Variants in SLC38A6 observed in about 807,000 individuals in gnomAD.
SLC38A6 encodes the protein N system amino acid transporter NAT-1.
In SLC38A6, 73 loss-of-function variants were observed where a neutral mutation model predicts 65.0. That is an observed-to-expected ratio of 1.12 (90% confidence interval 0.93 to 1.37). The LOEUF (loss-of-function observed/expected upper bound fraction) is 1.37, where lower values mean the gene tolerates loss of function less well. Among genes scored for constraint, SLC38A6 ranks in the 40% most tolerant of loss-of-function variants. SLC38A6 has a pLI of 0.00. For synonymous variants in SLC38A6, 183 were observed against 178.8 expected (o/e 1.02, Z -0.19); for missense variants, 561 against 531.1 (o/e 1.06, Z -0.55).
intron 15 of SLC38A6, among the ~76,000 whole-genome samples, chr14:61,062,797 C>CATG (rs1427266311): frequency 7.2e-5 from 11 of 152,350 alleles, no homozygotes; most frequent in Admixed American, 5.9e-4. Flanking sequence ...TCTAGTGCCT[C>CATG]AGCCTCCTGC....
Position 60,983,156 on chromosome 14 carries a change from T to C in SLC38A6, c.236+518T>C, listed in dbSNP as rs972572640. Among the ~76,000 whole-genome samples, 7 of 152,340 alleles carry C rather than the reference T, an allele frequency of 4.6e-5. No individual in the cohort carries two copies. The East Asian group carries it at 1.3e-3, about 29-fold the overall frequency. ...AGACAATCCTGGATATTCTGTGCTT[T>C]CATAGTACTTTGTATATTCATTCTG... On this transcript the variant is annotated intron_variant, in intron 2 of 15. Transcript: ENST00000267488.
intron 5 of SLC38A6, among the ~76,000 whole-genome samples, chr14:61,021,192 T>C (rs1211102167): frequency 6.6e-6 from 1 of 152,160 alleles, no homozygotes; most frequent in Non-Finnish European, 1.5e-5. Context: ...ACCTGGGAAT[T>C]GATAAACTTG....
chr14:61,061,085 C>A (rs1055694406), intron 15 of SLC38A6, among the ~76,000 whole-genome samples: 2 of 152,090 alleles, frequency 1.3e-5, no homozygotes, highest in African/African-American at 4.8e-5. Flanking sequence ...CCGTCTTCTG[C>A]GTCGCTCACG....
At chr14:60,981,551 C>T in intron 1 of SLC38A6, 169 bp downstream of exon 1, 1 of 1,529,422 alleles carries the variant, frequency 6.5e-7, no homozygotes, top group East Asian at 2.5e-5. Flanking sequence ...ATGAGATTGG[C>T]GCAGTTATGA....
chr14:61,043,883 G>C (rs1347854610), intron 10 of SLC38A6, among the ~76,000 whole-genome samples: 1 of 152,036 alleles, frequency 6.6e-6, no homozygotes, highest in Non-Finnish European at 1.5e-5. Flanking sequence ...CTCTTCCCCT[G>C]TGAGTAGAAC....
intron 15 of SLC38A6, among the ~76,000 whole-genome samples, chr14:61,073,499 C>T (rs2139973200): frequency 6.6e-6 from 1 of 152,238 alleles, no homozygotes; most frequent in Admixed American, 6.5e-5. Context: ...ATTTTTCTTC[C>T]AGGATCCTGT....
chr14:60,982,751 T>A, intron 2 of SLC38A6, 113 bp downstream of exon 2: 1 of 1,247,612 alleles, frequency 8.0e-7, no homozygotes, highest in South Asian at 1.6e-5. Context: ...TAGTTATTTC[T>A]GGGGTTTTAG....
chr14:61,002,116 C>G (rs897864741), intron 3 of SLC38A6: 3 of 152,100 alleles, frequency 2.0e-5, no homozygotes, highest in Non-Finnish European at 2.9e-5. Flanking sequence ...ATACTGAGAT[C>G]CCAGAATCAT....
At chr14:60,987,074 C>G (rs921611846) in intron 3 of SLC38A6, 1 of 417,754 alleles carries the variant, frequency 2.4e-6, no homozygotes, top group East Asian at 8.8e-5. Flanking sequence ...CATGAACTAA[C>G]TACTTCATGG....
In SLC38A6 at chr14:61,019,594, A is replaced by G. The variant is rs754616757; in HGVS notation, c.403+14A>G. 2.0e-5 allele frequency: 32 copies of G among 1,611,704 alleles called. No individual in the cohort carries two copies. The East Asian group carries it at 6.7e-4, about 34-fold the overall frequency. ...AGAATATTGGAGGTAAGCAATTGCAAGTGCACTGTTTATACATAAATGTGA... is the reference window on the plus strand; with the variant it reads ...AGAATATTGGAGGTAAGCAATTGCAGGTGCACTGTTTATACATAAATGTGA... On this transcript the variant is annotated intron_variant, in intron 5 of 15. Coordinates refer to ENST00000267488, the MANE Select transcript of SLC38A6 (RefSeq NM_153811.3).
chr14:61,054,888 AATACTATGTT>A (rs1399446354), downstream of SLC38A6, among the ~76,000 whole-genome samples: 12 of 152,062 alleles, frequency 7.9e-5, no homozygotes, highest in Non-Finnish European at 1.5e-4. Flanking sequence ...TAGGATTTCC[AATACTATGTT>A]GAATAGGAGT....
At chr14:61,054,239 G>A (rs993305216), downstream of SLC38A6, among the ~76,000 whole-genome samples, 1 of 152,094 alleles carries the variant, frequency 6.6e-6, no homozygotes, top group African/African-American at 2.4e-5. Context: ...CTATGTGCCT[G>A]TTTTTATACC....
intron 3 of SLC38A6, among the ~76,000 whole-genome samples, chr14:60,988,937 T>G (rs2037654564): frequency 6.6e-6 from 1 of 152,238 alleles, no homozygotes; most frequent in Non-Finnish European, 1.5e-5. Context: ...CAACGTCTAG[T>G]GTACCTATGA....
chr14:61,006,887 G>A (rs1224084410), intron 3 of SLC38A6, among the ~76,000 whole-genome samples: 66 of 152,146 alleles, frequency 4.3e-4, no homozygotes, highest in South Asian at 1.9e-3. Context: ...TGTTTATTGC[G>A]GCACTATTCA....
intron 3 of SLC38A6, among the ~76,000 whole-genome samples, chr14:60,988,927 C>T (rs2037652840): frequency 6.6e-6 from 1 of 152,238 alleles, no homozygotes; most frequent in African/African-American, 2.4e-5. Context: ...CACTATAATT[C>T]AACGTCTAGT....
chr14:61,062,358 A>G (rs2042877576), intron 15 of SLC38A6, among the ~76,000 whole-genome samples: 1 of 152,294 alleles, frequency 6.6e-6, no homozygotes, highest in South Asian at 2.1e-4. Flanking sequence ...GATTTTCACC[A>G]TTCTAATTGG....
intron 3 of SLC38A6, among the ~76,000 whole-genome samples, chr14:61,010,514 A>G (rs565272607): frequency 2.3e-4 from 35 of 152,274 alleles, no homozygotes; most frequent in Non-Finnish European, 4.9e-4. Context: ...TTATGGTTTT[A>G]GGTCTAACAT....
intron 11 of SLC38A6, among the ~76,000 whole-genome samples, chr14:61,045,800 C>T (rs768673947): frequency 1.3e-4 from 20 of 151,718 alleles, no homozygotes; most frequent in Admixed American, 3.3e-4. Context: ...GCAGGAGAAT[C>T]GCTTGAACCC....
At chr14:61,006,131 A>C (rs1262778944) in intron 3 of SLC38A6, among the ~76,000 whole-genome samples, 1 of 152,202 alleles carries the variant, frequency 6.6e-6, no homozygotes, top group African/African-American at 2.4e-5. Context: ...CCATATGTAG[A>C]AAGCTGAAAC....
Sources: allele counts gnomAD v4.1 joint callset (sites outside exome capture counted in the v4.1 genomes callset), GRCh38; gene constraint gnomAD v4.1.1; transcripts MANE v1.5; gene names NCBI Gene and HGNC (gene_info 2026-07-23, HGNC 2026-07-21).